Variants in DOP1B observed in about 807,000 individuals in gnomAD.
DOP1B encodes protein DOP1B.
A neutral mutation model predicts 233.5 loss-of-function variants in DOP1B; 174 were observed. That is an observed-to-expected ratio of 0.75 (90% confidence interval 0.66 to 0.85). The LOEUF is 0.85. Ranked by LOEUF, DOP1B falls within the 40% of genes least tolerant of loss-of-function variation. The pLI is 0.00. For synonymous variants in DOP1B, 1,190 were observed against 1,185.6 expected (o/e 1.00, Z -0.08); for missense variants, 2,652 against 2,846.6 (o/e 0.93, Z 1.56).
chr21:36,221,742 AT>A (rs1325986919), intron 10 of DOP1B, among the ~76,000 whole-genome samples: 1 of 151,710 alleles, frequency 6.6e-6, no homozygotes, highest in African/African-American at 2.4e-5. Context: ...CTCCTGGCTA[AT>A]TTTTTGTATT....
At chr21:36,157,777 A>G (rs117028525) in intron 1 of DOP1B, among the ~76,000 whole-genome samples, 1,607 of 152,276 alleles carry the variant, frequency 0.011, 17 homozygotes, top group Middle Eastern at 0.017. Context: ...ATCATTATCA[A>G]TTTTATTACT....
rs138845115 is a variant in DOP1B at position 36,212,818 on chromosome 21, G to A, written c.904+721G>A. On this transcript the variant is annotated intron_variant, in intron 7 of 36. Coordinates refer to ENST00000691173, the MANE Select transcript of DOP1B (RefSeq NM_001320714.2). Reference sequence around the variant, plus strand: ...CCTTTTTGAGATGGAGTTTCACTCCGTCGCCCAGACTGGAGTGCAGTGGTG... The same window carrying A: ...CCTTTTTGAGATGGAGTTTCACTCCATCGCCCAGACTGGAGTGCAGTGGTG... Among the ~76,000 whole-genome samples the A allele has an allele frequency of 2.6e-3, 393 of 152,238 alleles. 3 individuals carry two copies. Among genetic ancestry groups the A allele is most frequent in the Middle Eastern group, 0.01 (3 of 294 alleles).
At chr21:36,169,198 A>G (rs2065946368) in intron 2 of DOP1B, 4 of 1,041,962 alleles carry the variant, frequency 3.8e-6, no homozygotes, top group East Asian at 2.4e-5. Context: ...TAACAGAGTT[A>G]TTGGTCACTT....
chr21:36,239,683 C>T (rs1026148209), intron 17 of DOP1B, 82 bp from the exon 18 acceptor site: 20 of 1,422,020 alleles, frequency 1.4e-5, no homozygotes, highest in African/African-American at 1.2e-4. Context: ...TGTTGGGTGA[C>T]GCCCTATGCC....
intron 10 of DOP1B, 90 bp from the exon 11 acceptor site, chr21:36,223,141 G>A (rs1168859995): frequency 1.5e-6 from 2 of 1,354,904 alleles, no homozygotes; most frequent in Non-Finnish European, 2.0e-6. Flanking sequence ...ATAAGTTGCA[G>A]ATGGTGAAAT....
At chr21:36,207,723 G>C (rs1389420962) in intron 4 of DOP1B, among the ~76,000 whole-genome samples, 1 of 152,130 alleles carries the variant, frequency 6.6e-6, no homozygotes, top group Non-Finnish European at 1.5e-5. Context: ...TGGTTTTTCT[G>C]ATTGTTTTTT....
At chr21:36,250,247 A>C (rs1392861485) in intron 21 of DOP1B, among the ~76,000 whole-genome samples, 1 of 152,210 alleles carries the variant, frequency 6.6e-6, no homozygotes, top group Non-Finnish European at 1.5e-5. Flanking sequence ...ATGTGAAATA[A>C]ACATGGGCGG....
At chr21:36,226,297 T>TC (rs200425810) in intron 12 of DOP1B, among the ~76,000 whole-genome samples, 12,864 of 145,210 alleles carry the variant, frequency 0.089, 1,210 homozygotes, top group African/African-American at 0.23. Context: ...TCTCTCTCTC[T>TC]TTTTTTTTTT....
intron 2 of DOP1B, among the ~76,000 whole-genome samples, chr21:36,189,882 C>T (rs1019994690): frequency 2.6e-5 from 4 of 151,190 alleles, no homozygotes; most frequent in African/African-American, 9.7e-5. Context: ...TGGTGGCATG[C>T]ACCTGTAGTC....
In DOP1B at chr21:36,270,176, G is replaced by C. The variant is rs1260514554; in HGVS notation, c.5632+19G>C. 1.2e-6 allele frequency: 2 copies of C among 1,611,748 alleles called. No individual in the cohort carries two copies. Among genetic ancestry groups the C allele is most frequent in the South Asian group, 2.2e-5 (2 of 90,830 alleles). On this transcript the variant is annotated intron_variant, in intron 27 of 36. Coordinates refer to ENST00000691173, the MANE Select transcript of DOP1B (RefSeq NM_001320714.2). ...CTGTATGGTAGGTGGAGATGGGTTG[G>C]CTGATAGTGCCTCTGGTCAGCGCGT...
chr21:36,239,695 A>G (rs2066870332), intron 17 of DOP1B, 70 bp from the exon 18 acceptor site: 2 of 1,458,956 alleles, frequency 1.4e-6, no homozygotes, highest in African/African-American at 2.8e-5. Context: ...CCCTATGCCC[A>G]GTGTCTGCCA....
chr21:36,272,601 C>T (rs1259883973), intron 27 of DOP1B, among the ~76,000 whole-genome samples: 14 of 148,100 alleles, frequency 9.5e-5, no homozygotes, highest in African/African-American at 2.3e-4. Context: ...GAGCCAAGAT[C>T]GTGCCACTAC....
At chr21:36,159,263 C>G (rs1020438527) in intron 1 of DOP1B, among the ~76,000 whole-genome samples, 87 of 152,154 alleles carry the variant, frequency 5.7e-4, no homozygotes, top group African/African-American at 2.0e-3. Flanking sequence ...ACCAGGCTGA[C>G]CAACATGGAG....
chr21:36,266,323 C>A (rs1569061158), intron 26 of DOP1B, among the ~76,000 whole-genome samples: 1 of 152,050 alleles, frequency 6.6e-6, no homozygotes, highest in Non-Finnish European at 1.5e-5. Flanking sequence ...ATTACAGGTG[C>A]CCGCCACAAT....
At chr21:36,223,398 G>T in intron 11 of DOP1B, 48 bp downstream of exon 11, 1 of 1,572,962 alleles carries the variant, frequency 6.4e-7, no homozygotes, top group Non-Finnish European at 8.6e-7. Flanking sequence ...GGATGAGAGG[G>T]TTTAATAATT....
At chr21:36,221,733 T>C (rs1226273177) in intron 10 of DOP1B, among the ~76,000 whole-genome samples, 1 of 151,426 alleles carries the variant, frequency 6.6e-6, no homozygotes, top group Non-Finnish European at 1.5e-5. Context: ...CTGCCACCAC[T>C]CCTGGCTAAT....
Position 36,213,058 on chromosome 21 carries a change from A to C in DOP1B, c.904+961A>C, listed in dbSNP as rs566988937. Among the ~76,000 whole-genome samples the C allele has an allele frequency of 2.5e-4, 38 of 152,376 alleles. No homozygotes were observed. In the South Asian group the frequency reaches 7.0e-3, roughly 28 times the overall value. ...CTACCTCCCAAAGTGCTGGAATTAC[A>C]TGCCACCACACTCAGCCTAGCATTC... On this transcript the variant is annotated intron_variant, in intron 7 of 36. Coordinates refer to ENST00000691173, the MANE Select transcript of DOP1B (RefSeq NM_001320714.2).
At chr21:36,176,830 C>CT (rs2066037535) in intron 2 of DOP1B, among the ~76,000 whole-genome samples, 1 of 151,596 alleles carries the variant, frequency 6.6e-6, no homozygotes, top group African/African-American at 2.4e-5. Flanking sequence ...CCTTTCTTTT[C>CT]TTTTTTGAGA....
chr21:36,180,768 C>A (rs901640360), intron 2 of DOP1B, among the ~76,000 whole-genome samples: 1 of 152,000 alleles, frequency 6.6e-6, no homozygotes, highest in South Asian at 2.1e-4. Context: ...GTAATCCCAG[C>A]TACTTGAGAG....
Sources: allele counts gnomAD v4.1 joint callset (sites outside exome capture counted in the v4.1 genomes callset), GRCh38; gene constraint gnomAD v4.1.1; transcripts MANE v1.5; gene names NCBI Gene and HGNC (gene_info 2026-07-23, HGNC 2026-07-21).